Variants in PTRH1 observed in about 807,000 individuals in gnomAD.
PTRH1 encodes the protein peptidyl-tRNA hydrolase.
Under a neutral mutation model 15.7 loss-of-function variants are expected in PTRH1, and 13 were observed. The observed-to-expected ratio is 0.83, with a 90% CI of 0.54 to 1.31. The LOEUF (loss-of-function observed/expected upper bound fraction) is 1.31, where lower values mean the gene tolerates loss of function less well. Among genes scored for constraint, PTRH1 ranks in the 40% most tolerant of loss-of-function variants. The pLI is 0.00. For missense variants in PTRH1, 319 were observed against 296.2 expected (o/e 1.08, Z -0.56); for synonymous variants, 139 against 136.7 (o/e 1.02, Z -0.12).
downstream of PTRH1, chr9:127,713,239 G>A (rs768312769): frequency 2.0e-6 from 3 of 1,473,800 alleles, no homozygotes; most frequent in African/African-American, 4.2e-5. Flanking sequence ...GGAAAGCAAG[G>A]TGGCAGCTAG....
chr9:127,713,408 T>TTGGC, downstream of PTRH1: 1 of 485,906 alleles, frequency 2.1e-6, no homozygotes, highest in East Asian at 3.4e-5. Context: ...GGGAGGGGGG[T>TTGGC]TGGCTGGACC....
At chr9:127,711,707 A>T, downstream of PTRH1, 1 of 1,274,660 alleles carries the variant, frequency 7.8e-7, no homozygotes, top group East Asian at 2.5e-5. Context: ...AGCAGAGTCC[A>T]GCCCTGGAGA....
At chr9:127,698,347 G>A (rs1276598350) in intron 1 of PTRH1, among the ~76,000 whole-genome samples, 1 of 152,204 alleles carries the variant, frequency 6.6e-6, no homozygotes, top group East Asian at 1.9e-4. Context: ...CAACTGAAAT[G>A]CAAGTCAAAA....
At chr9:127,711,428 T>C, downstream of PTRH1, 1 of 1,614,068 alleles carries the variant, frequency 6.2e-7, no homozygotes, top group Non-Finnish European at 8.5e-7. Flanking sequence ...GAACAATCTG[T>C]GCAAACAGCT....
downstream of PTRH1, chr9:127,712,660 G>A: frequency 6.2e-7 from 1 of 1,613,752 alleles, no homozygotes; most frequent in Non-Finnish European, 8.5e-7. Flanking sequence ...GGACGAGGGT[G>A]GGTACTGGGG....
downstream of PTRH1, among the ~76,000 whole-genome samples, chr9:127,709,915 T>C (rs1451841145): frequency 6.6e-6 from 1 of 152,282 alleles, no homozygotes; most frequent in Middle Eastern, 3.4e-3. The surrounding 1 kb of genome is among the most constrained non-coding windows in gnomAD (Gnocchi z 4.7). Context: ...GGTCCCCCAG[T>C]TGGCAAGGGT....
chr9:127,712,311 C>T, downstream of PTRH1: 1 of 1,614,028 alleles, frequency 6.2e-7, no homozygotes, highest in Non-Finnish European at 8.5e-7. Flanking sequence ...GGAGGCGGCT[C>T]TGGTCCAGGC....
chr9:127,714,103 C>G lies in PTRH1; in HGVS notation c.642G>C (p.Pro214=). The G allele has an allele frequency of 3.1e-6, 5 of 1,612,178 alleles. No individual in the cohort carries two copies. The highest frequency in any genetic ancestry group is 1.1e-5 in the South Asian group (1 of 90,842). Residue 214 remains proline (P), a synonymous_variant, in exon 5 of 5, where the codon CCG becomes CCC. Transcript: ENST00000543175. The part of the protein sequence containing the change: ...RERSQGPSLG[P] ...CAGGCAGCCATGGCCACTAGTGTCA[C>G]GGCCCCAGTGAGGGCCCCTGGCTTC...
rs2131596718 is a variant in PTRH1 at position 127,714,263 on chromosome 9, A to G, written c.482T>C (p.Val161Ala). 1 of 1,613,800 alleles carries G rather than the reference A, an allele frequency of 6.2e-7. No homozygotes were observed. Among genetic ancestry groups the G allele is most frequent in the South Asian group, 1.1e-5 (1 of 91,074 alleles). ...AGGGTGCGCCGGGCGCCCGATACCC[A>G]CCCGCAGCCTTGGCATTGCCTGTGG... ...LNSNAMPRLR[V>A]GIGRPAHPEA... is the part of the protein sequence containing the mutation. The change falls in exon 5 of 5, where the codon GTG (valine) becomes GCG (alanine). Residue 161 changes from valine (V) to alanine (A), a missense_variant. Coordinates refer to ENST00000543175, the MANE Select transcript of PTRH1 (RefSeq NM_001002913.3).
chr9:127,714,924 CA>C, intron 2 of PTRH1, 50 bp downstream of exon 2: 1 of 828,396 alleles, frequency 1.2e-6, no homozygotes, highest in Non-Finnish European at 1.8e-6. Flanking sequence ...CCCCGCGCCC[CA>C]ACCCCCACCC....
chr9:127,715,031 A>ACCAGTTGGGCATCCC lies in PTRH1; in HGVS notation c.245_259dup (p.Gly82_Leu86dup). 6.6e-7 allele frequency: 1 copy of ACCAGTTGGGCATCCC among 1,516,156 alleles called. No individual in the cohort carries two copies. The highest frequency in any genetic ancestry group is 8.8e-7 in the Non-Finnish European group (1 of 1,137,950). 93.9% of individuals were successfully genotyped at this position (1,516,156 alleles called of 1,614,324 possible). On this transcript the variant is annotated inframe_insertion, in exon 2 of 5. Transcript: ENST00000543175. This position sits in a 1 kb window ranked among gnomAD's most constrained non-coding sequence, Gnocchi z 5.8. ...CATAAGCCGCCGTGGCCGGAGCAGGACCAGTTGGGCATCCCCCAGCGGGGC... is the reference window on the plus strand; with the variant it reads ...CATAAGCCGCCGTGGCCGGAGCAGGACCAGTTGGGCATCCCCCAGTTGGGCATCCCCCAGCGGGGC...
downstream of PTRH1, chr9:127,711,190 GCT>G: frequency 6.3e-7 from 1 of 1,599,402 alleles, no homozygotes. Flanking sequence ...GCTTGTGCCC[GCT>G]CTGTCTGACC....
intron 1 of PTRH1, among the ~76,000 whole-genome samples, chr9:127,697,644 GAGCAAGA>G (rs1842572180): frequency 1.3e-5 from 2 of 152,204 alleles, no homozygotes; most frequent in African/African-American, 2.4e-5. Context: ...CTGGGTGACA[GAGCAAGA>G]CTCTGTCTCA....
chr9:127,713,847 G>GCACATCTT lies in PTRH1; in HGVS notation c.*252_*253insAAGATGTG, dbSNP rs749386616. 1 of 1,613,794 alleles carries GCACATCTT rather than the reference G, an allele frequency of 6.2e-7. No homozygotes were observed. The highest frequency in any genetic ancestry group is 1.1e-5 in the South Asian group (1 of 91,074). ...TTAATCTTACAGATGCGTGCCCCTGGTTCTCTAAAAAGGCTTGAAAAGTTT... is the reference window on the plus strand; with the variant it reads ...TTAATCTTACAGATGCGTGCCCCTGGCACATCTTTTCTCTAAAAAGGCTTGAAAAGTTT... On this transcript the variant is annotated 3_prime_UTR_variant, in exon 5 of 5. Coordinates refer to ENST00000543175, the MANE Select transcript of PTRH1 (RefSeq NM_001002913.3).
chr9:127,702,149 G>A (rs1456799785), intron 1 of PTRH1, among the ~76,000 whole-genome samples: 5 of 152,038 alleles, frequency 3.3e-5, no homozygotes, highest in Non-Finnish European at 5.9e-5. Flanking sequence ...CGAGGTGGGC[G>A]GATCACGAGG....
rs201242648 is a variant in PTRH1 at position 127,713,903 on chromosome 9, T to C, written c.*197A>G. On this transcript the variant is annotated 3_prime_UTR_variant, in exon 5 of 5. Transcript: ENST00000543175. ...TCCTGAAGTTCCCCTACGTCCCAAGTAGGACACAGAGAGAAGAACCTACTC... is the reference window on the plus strand; with the variant it reads ...TCCTGAAGTTCCCCTACGTCCCAAGCAGGACACAGAGAGAAGAACCTACTC... 1.2e-3 allele frequency: 1,916 copies of C among 1,613,640 alleles called. 3 individuals carry two copies. The highest frequency in any genetic ancestry group is 1.5e-3 in the Non-Finnish European group (1,802 of 1,179,736).
intron 1 of PTRH1, among the ~76,000 whole-genome samples, chr9:127,706,262 G>A (rs56838299): frequency 0.014 from 2,140 of 151,730 alleles, 56 homozygotes; most frequent in African/African-American, 0.049. Flanking sequence ...ACCCGTCACC[G>A]TGACCCCAAG....
chr9:127,713,182 C>A (rs925764312), downstream of PTRH1: 4 of 1,563,274 alleles, frequency 2.6e-6, no homozygotes, highest in Non-Finnish European at 2.6e-6. Context: ...GTGTGGGGAC[C>A]TTCCGGGCAC....
rs1842933449 is a variant in PTRH1, at chr9:127,715,305, T to C, written c.97-111A>G. The C allele has an allele frequency of 6.7e-6, 9 of 1,344,568 alleles. No homozygotes were observed. In the East Asian group the frequency reaches 2.2e-4, roughly 34 times the overall value. The allele number at this position is 1,344,568 out of a possible 1,614,324, so 83.3% of individuals were successfully genotyped here. ...GCGGAAACGCAGAGCAACGCTGCAGTGGGGAAGGGGCGCGAAGAAGGGGCC... is the reference window on the plus strand; with the variant it reads ...GCGGAAACGCAGAGCAACGCTGCAGCGGGGAAGGGGCGCGAAGAAGGGGCC... On this transcript the variant is annotated intron_variant, in intron 1 of 4. Transcript: ENST00000543175. The surrounding 1 kb of genome is among the most constrained non-coding windows in gnomAD (Gnocchi z 5.8).
Sources: allele counts gnomAD v4.1 joint callset (sites outside exome capture counted in the v4.1 genomes callset), GRCh38; gene constraint gnomAD v4.1.1; non-coding constraint Gnocchi (gnomAD v3.1); transcripts MANE v1.5; gene names NCBI Gene and HGNC (gene_info 2026-07-23, HGNC 2026-07-21).